Variants in FAM118A observed in about 807,000 individuals in gnomAD.
FAM118A encodes protein FAM118A.
In FAM118A, 25 loss-of-function variants were observed where a neutral mutation model predicts 38.2. The ratio of observed to expected loss-of-function variants is 0.65; its 90% CI spans 0.48 to 0.91. The LOEUF is 0.91. Ranked by LOEUF, FAM118A falls within the 40% of genes least tolerant of loss-of-function variation. The pLI, the probability that FAM118A is intolerant of heterozygous loss-of-function variation, is 0.00. For missense variants in FAM118A, 425 were observed against 463.3 expected, an observed-to-expected ratio of 0.92 and a Z score of 0.76; for synonymous variants, 178 against 184.1, an observed-to-expected ratio of 0.97 and a Z score of 0.27.
At chr22:45,326,498 G>T (rs898287110) in intron 3 of FAM118A, among the ~76,000 whole-genome samples, 4 of 152,064 alleles carry the variant, frequency 2.6e-5, no homozygotes, top group African/African-American at 9.7e-5. Context: ...GATAAGCCTG[G>T]GCAACATAGC....
In FAM118A at chr22:45,330,632, G is replaced by T. The variant is rs1312513614; in HGVS notation, c.552G>T (p.Lys184Asn). ...TTGAATGGGCAAGAGGGCACATGAAGTACGGCGTCCTCCACATTCACGGCC... is the reference window on the plus strand; with the variant it reads ...TTGAATGGGCAAGAGGGCACATGAATTACGGCGTCCTCCACATTCACGGCC... Reference protein sequence around the residue: ...KVLEWARGHMKYGVLHIHGLY... With the variant: ...KVLEWARGHMNYGVLHIHGLY... Residue 184 changes from lysine to asparagine, a missense_variant, in exon 5 of 9, where the codon AAG becomes AAT. By Grantham distance (94) the Lys-to-Asn change is moderately conservative. Transcript: ENST00000441876. The T allele has an allele frequency of 6.3e-7, 1 of 1,589,334 alleles. No homozygotes were observed. Among genetic ancestry groups the T allele is most frequent in the African/African-American group, 1.4e-5 (1 of 73,872 alleles).
chr22:45,314,553 C>T (rs535832680), intron 1 of FAM118A, among the ~76,000 whole-genome samples: 17 of 152,222 alleles, frequency 1.1e-4, no homozygotes, highest in Non-Finnish European at 2.2e-4. Flanking sequence ...CTCTTAGTCT[C>T]AATTTTCACT....
chr22:45,330,466 A>T (rs1320047824), intron 4 of FAM118A, 137 bp from the exon 5 acceptor site: 6 of 967,494 alleles, frequency 6.2e-6, no homozygotes, highest in African/African-American at 1.7e-5. Flanking sequence ...TTGAAGGTAT[A>T]AGTGTAAAGT....
intron 5 of FAM118A, among the ~76,000 whole-genome samples, chr22:45,331,379 TTTC>T (rs1249402610): frequency 3.9e-5 from 6 of 152,248 alleles, no homozygotes; most frequent in South Asian, 2.1e-4. Flanking sequence ...AGGTTTTATT[TTTC>T]TTCTTCTTAA....
rs560089896 is a variant in FAM118A, at chr22:45,340,634, G to T, written c.*229G>T. ...ACACATTTCAGGTGGACTTTGCAAG[G>T]ACTGATGGATAGCTACCTCAGGGAC... On this transcript the variant is annotated 3_prime_UTR_variant, in exon 9 of 9. Coordinates refer to ENST00000441876, the MANE Select transcript of FAM118A (RefSeq NM_017911.4). 114 of 578,092 alleles carry T rather than the reference G, an allele frequency of 2.0e-4. 1 individual carries two copies. The African/African-American group carries it at 2.0e-3, about 10-fold the overall frequency. 35.8% of individuals were successfully genotyped at this position (578,092 alleles called of 1,614,324 possible). A position where few individuals can be genotyped will look rare whatever the true frequency, so the allele number is the denominator to read the frequency against.
chr22:45,334,627 C>T lies in FAM118A; in HGVS notation c.938-723C>T, dbSNP rs143345468. Among the ~76,000 whole-genome samples, 130 of 152,332 alleles carry T rather than the reference C, an allele frequency of 8.5e-4. 1 individual carries two copies. The East Asian group carries it at 0.023, about 27-fold the overall frequency. On this transcript the variant is annotated intron_variant, in intron 6 of 8. Transcript: ENST00000441876. ...CACCTGACTTGGTTTTTCATGGCAG[C>T]ATGCAGTGCTAGTAAGTAGATGATT...
At chr22:45,312,182 C>T (rs779371185) in intron 1 of FAM118A, among the ~76,000 whole-genome samples, 4 of 152,198 alleles carry the variant, frequency 2.6e-5, no homozygotes, top group Non-Finnish European at 5.9e-5. Context: ...AGCGGGCAGT[C>T]ATTTGTGCAA....
chr22:45,324,461 G>A lies in FAM118A; in HGVS notation c.300+1034G>A, dbSNP rs535608249. Among the ~76,000 whole-genome samples the A allele has an allele frequency of 1.2e-4, 19 of 152,214 alleles. 1 individual carries two copies. The highest frequency in any genetic ancestry group is 2.1e-4 in the Non-Finnish European group (14 of 68,040). ...GGCCACCACTGAAGTCACATACACC[G>A]CTTCTGTTTCATCTCATTGGCCAGA... On this transcript the variant is annotated intron_variant, in intron 3 of 8. Transcript: ENST00000441876.
chr22:45,334,772 C>T (rs951765137), intron 6 of FAM118A, among the ~76,000 whole-genome samples: 27 of 152,202 alleles, frequency 1.8e-4, no homozygotes, highest in Non-Finnish European at 1.0e-4. Context: ...ATCCTGGCAC[C>T]GGCCCACATG....
At chr22:45,326,841 A>C (rs2085305713) in intron 3 of FAM118A, among the ~76,000 whole-genome samples, 1 of 121,982 alleles carries the variant, frequency 8.2e-6, no homozygotes. Context: ...AAAAAAAAAA[A>C]AAAAAAGTTA....
At chr22:45,309,718 C>T (rs1436246007), upstream of FAM118A, 1 of 152,282 alleles carries the variant, frequency 6.6e-6, no homozygotes, top group East Asian at 1.9e-4. Context: ...CACATCCGAC[C>T]GCGCCTGCGC....
At chr22:45,335,566 A>C (rs2086026054) in intron 7 of FAM118A, among the ~76,000 whole-genome samples, 184 bp downstream of exon 7, 1 of 152,188 alleles carries the variant, frequency 6.6e-6, no homozygotes, top group African/African-American at 2.4e-5. Flanking sequence ...CCAAGAGACT[A>C]AAAGCCATCC....
At chr22:45,311,359 C>T (rs544847374) in intron 1 of FAM118A, among the ~76,000 whole-genome samples, 12 of 152,242 alleles carry the variant, frequency 7.9e-5, no homozygotes, top group African/African-American at 2.9e-4. Flanking sequence ...CAGCTTTGCT[C>T]CCGGAGGCCC....
intron 6 of FAM118A, 71 bp from the exon 7 acceptor site, chr22:45,335,279 G>C: frequency 6.4e-7 from 1 of 1,570,940 alleles, no homozygotes; most frequent in Non-Finnish European, 8.8e-7. Context: ...CCCAGTCACT[G>C]CCTCAGGGTG....
intron 1 of FAM118A, among the ~76,000 whole-genome samples, chr22:45,310,425 G>A (rs1235018393): frequency 6.6e-6 from 1 of 151,980 alleles, no homozygotes; most frequent in Non-Finnish European, 1.5e-5. Context: ...AGTGGGCCCT[G>A]AGAACTGTTG....
chr22:45,320,421 C>T (rs1315189090), intron 1 of FAM118A, among the ~76,000 whole-genome samples: 1 of 134,942 alleles, frequency 7.4e-6, no homozygotes, highest in African/African-American at 2.7e-5. Context: ...TTTTTCTTTT[C>T]TTCCTTCTTC....
intron 1 of FAM118A, among the ~76,000 whole-genome samples, chr22:45,311,205 T>C (rs969899055): frequency 5.3e-5 from 8 of 152,050 alleles, no homozygotes; most frequent in Non-Finnish European, 1.2e-4. Context: ...TTTGCCAGGG[T>C]CATTCCAGGC....
chr22:45,315,147 C>T (rs1456152144), intron 1 of FAM118A, among the ~76,000 whole-genome samples: 1 of 152,156 alleles, frequency 6.6e-6, no homozygotes, highest in Admixed American at 6.5e-5. Flanking sequence ...GAATTAGATT[C>T]TTTTTCTAGT....
rs372005928 is a variant in FAM118A, at chr22:45,330,740, C to T, written c.651+9C>T. On this transcript the variant is annotated intron_variant, in intron 5 of 8. Transcript: ENST00000441876. ...AAGACGCAGAAGTCATGGTACGGCC[C>T]GTCCTAATTAGCATCGGTGCGTCCT... is the stretch of plus-strand genomic sequence containing the variant. The T allele has an allele frequency of 3.4e-4, 526 of 1,541,400 alleles. No homozygotes were observed. Among genetic ancestry groups the T allele is most frequent in the Admixed American group, 4.4e-4 (20 of 45,502 alleles).
Sources: gnomAD v4.1 joint callset for allele counts (sites outside exome capture counted in the v4.1 genomes callset) on GRCh38, gnomAD v4.1.1 for gene constraint, MANE v1.5 for transcripts, NCBI Gene and HGNC (gene_info 2026-07-23, HGNC 2026-07-21) for gene names.